The following TBC1D22A variants were observed in gnomAD, a reference collection of about 807,000 sequenced individuals.
TBC1D22A encodes TBC1 domain family member 22A, also known as putative GTPase activator.
A neutral mutation model predicts 60.2 loss-of-function variants in TBC1D22A; 38 were observed. The observed-to-expected ratio is 0.63, with a 90% CI of 0.49 to 0.83. TBC1D22A has a LOEUF of 0.83. TBC1D22A is among the 40% of genes least tolerant of loss of function. The pLI, the probability that TBC1D22A is intolerant of heterozygous loss-of-function variation, is 0.00. For synonymous variants in TBC1D22A, 302 were observed against 281.7 expected (o/e 1.07, Z -0.72); for missense variants, 628 against 701.0 (o/e 0.90, Z 1.18).
intron 10 of TBC1D22A, among the ~76,000 whole-genome samples, chr22:46,998,876 G>GCGCTCACCGCA (rs2075212057): frequency 6.6e-6 from 1 of 152,234 alleles, no homozygotes; most frequent in Non-Finnish European, 1.5e-5. Context: ...GCGTTCATGT[G>GCGCTCACCGCA]CGCTCACCGC....
At chr22:47,030,331 A>G (rs2062426586) in intron 10 of TBC1D22A, among the ~76,000 whole-genome samples, 1 of 152,150 alleles carries the variant, frequency 6.6e-6, no homozygotes, top group Non-Finnish European at 1.5e-5. Context: ...TCCTGCATAA[A>G]CAGTGTGTGT....
At chr22:47,005,619 C>CT (rs1169738421) in intron 10 of TBC1D22A, among the ~76,000 whole-genome samples, 3 of 141,944 alleles carry the variant, frequency 2.1e-5, no homozygotes, top group Non-Finnish European at 4.7e-5. Context: ...ACTCACATAC[C>CT]CCCTACAAAC....
chr22:46,970,334 T>G (rs900281452), intron 8 of TBC1D22A, among the ~76,000 whole-genome samples: 49 of 152,292 alleles, frequency 3.2e-4, no homozygotes, highest in African/African-American at 1.2e-3. Context: ...GTATTGATCA[T>G]TTTTTCCTTT....
intron 7 of TBC1D22A, among the ~76,000 whole-genome samples, chr22:46,904,105 A>ATCTATCTGTCTGTCTG (rs1555937245): frequency 3.8e-5 from 2 of 53,210 alleles, no homozygotes; most frequent in African/African-American, 1.7e-4. Flanking sequence ...AAATCTATCT[A>ATCTATCTGTCTGTCTG]TCTATCTATC....
At chr22:47,149,214 G>A (rs994711431) in intron 12 of TBC1D22A, among the ~76,000 whole-genome samples, 3 of 152,174 alleles carry the variant, frequency 2.0e-5, no homozygotes, top group African/African-American at 7.2e-5. Flanking sequence ...GTGACATGTC[G>A]TGGTTGGGGG....
chr22:47,144,173 C>G (rs1313616891), intron 12 of TBC1D22A, among the ~76,000 whole-genome samples: 1 of 152,156 alleles, frequency 6.6e-6, no homozygotes, highest in African/African-American at 2.4e-5. Flanking sequence ...GAAAGGAACC[C>G]CTGCACACAC....
intron 8 of TBC1D22A, among the ~76,000 whole-genome samples, chr22:46,920,333 CCT>C (rs1387898096): frequency 4.6e-5 from 7 of 152,180 alleles, no homozygotes; most frequent in Non-Finnish European, 1.0e-4. Context: ...TCTTCCTTGG[CCT>C]CTCAAAGTGC....
chr22:46,808,215 G>A (rs1440796480), intron 4 of TBC1D22A, among the ~76,000 whole-genome samples: 3 of 152,014 alleles, frequency 2.0e-5, no homozygotes, highest in East Asian at 3.9e-4. Context: ...AAAATTAGCC[G>A]GGCGTGATGG....
At chr22:46,828,393 T>C (rs1411672665) in intron 4 of TBC1D22A, among the ~76,000 whole-genome samples, 1 of 152,260 alleles carries the variant, frequency 6.6e-6, no homozygotes, top group African/African-American at 2.4e-5. Context: ...TCTAACAACA[T>C]GTCCACTTGA....
At chr22:46,871,389 C>G (rs568441771) in intron 4 of TBC1D22A, among the ~76,000 whole-genome samples, 6 of 152,304 alleles carry the variant, frequency 3.9e-5, no homozygotes, top group African/African-American at 1.2e-4. Context: ...TAAAATACCG[C>G]ATCTACTAAC....
intron 8 of TBC1D22A, among the ~76,000 whole-genome samples, chr22:46,927,149 A>C (rs1348158824): frequency 6.6e-6 from 1 of 152,234 alleles, no homozygotes; most frequent in Non-Finnish European, 1.5e-5. Flanking sequence ...AGACATAACA[A>C]GGAAAGAAAA....
intron 11 of TBC1D22A, among the ~76,000 whole-genome samples, chr22:47,071,470 T>G (rs1436444640): frequency 6.6e-6 from 1 of 152,224 alleles, no homozygotes; most frequent in Non-Finnish European, 1.5e-5. Flanking sequence ...CCACTGAGCT[T>G]CTGCAGCAGC....
At chr22:47,055,554 C>T (rs2063364892) in intron 11 of TBC1D22A, among the ~76,000 whole-genome samples, 1 of 152,114 alleles carries the variant, frequency 6.6e-6, no homozygotes, top group Admixed American at 6.5e-5. Flanking sequence ...GGAGCCCGAC[C>T]CTATGCTGTT....
intron 12 of TBC1D22A, among the ~76,000 whole-genome samples, chr22:47,166,970 G>GT (rs2068232749): frequency 6.6e-6 from 1 of 152,240 alleles, no homozygotes; most frequent in South Asian, 2.1e-4. Context: ...CAGCTGCCCA[G>GT]CCGGACAAGG....
chr22:47,004,675 T>C (rs891082576), intron 10 of TBC1D22A, among the ~76,000 whole-genome samples: 3 of 145,362 alleles, frequency 2.1e-5, no homozygotes, highest in Non-Finnish European at 4.5e-5. Context: ...CACACACACC[T>C]ACACACATGC....
At chr22:47,148,516 A>G (rs532474919) in intron 12 of TBC1D22A, among the ~76,000 whole-genome samples, 138 of 152,014 alleles carry the variant, frequency 9.1e-4, no homozygotes, top group South Asian at 3.7e-3. Flanking sequence ...GTGCGTCTCA[A>G]GGGCCTGAAC....
At chr22:47,122,785 C>T (rs1476281694) in intron 12 of TBC1D22A, among the ~76,000 whole-genome samples, 1 of 152,204 alleles carries the variant, frequency 6.6e-6, no homozygotes, top group Non-Finnish European at 1.5e-5. Context: ...CCCTCCTCAC[C>T]CGTCCCCTGG....
In TBC1D22A at chr22:47,037,180, C is replaced by G; in HGVS notation, c.1311C>G (p.Arg437=). 2.5e-6 allele frequency: 4 copies of G among 1,613,748 alleles called. No homozygotes were observed. The highest frequency in any genetic ancestry group is 3.4e-6 in the Non-Finnish European group (4 of 1,179,886). The change falls in exon 11 of 13, where the codon CGC becomes CGG. Residue 437 remains arginine (R), a synonymous_variant. Transcript: ENST00000337137. The stretch of plus-strand genomic sequence containing the variant: ...AGGTGCCCCTGCGTTGTACCATCCG[C>G]CTGTGGGACACCTACCAGGTGAGCT... The part of the protein sequence containing the change: ...MREVPLRCTI[R]LWDTYQSEPD...
At chr22:46,838,826 C>T (rs891728887) in intron 4 of TBC1D22A, among the ~76,000 whole-genome samples, 1 of 152,138 alleles carries the variant, frequency 6.6e-6, no homozygotes, top group Non-Finnish European at 1.5e-5. Flanking sequence ...TCAATAGATG[C>T]AGAAAAATCA....
Sources: gnomAD v4.1 joint callset for allele counts (sites outside exome capture counted in the v4.1 genomes callset) on GRCh38, gnomAD v4.1.1 for gene constraint, MANE v1.5 for transcripts, NCBI Gene and HGNC (gene_info 2026-07-23, HGNC 2026-07-21) for gene names.